MADD: variants seen among roughly 807,000 people sequenced by gnomAD.
The protein encoded by MADD is MAP kinase activating death domain, also known as MAP kinase-activating death domain protein.
In MADD, 109 loss-of-function variants were observed where a neutral mutation model predicts 176.7. The observed-to-expected ratio is 0.62, with a 90% CI of 0.53 to 0.72. The LOEUF (loss-of-function observed/expected upper bound fraction) is 0.72. Ranked by LOEUF, MADD falls within the 30% of genes least tolerant of loss-of-function variation. The pLI is 0.00. For synonymous variants in MADD, 771 were observed against 771.3 expected, an observed-to-expected ratio of 1.00 and a Z score of 0.01; for missense variants, 1,914 against 2,045.5, an observed-to-expected ratio of 0.94 and a Z score of 1.24.
exon 3 of MADD, chr11:47,274,795 C>G (rs548625118): frequency 6.2e-7 from 1 of 1,614,224 alleles, no homozygotes; most frequent in Non-Finnish European, 8.5e-7. Context: ...TAACTTCTAC[C>G]GCTCCTTCCA....
intron 5 of MADD, 21 bp from the exon 6 acceptor site, chr11:47,278,144 C>T (rs777492690): frequency 1.3e-6 from 2 of 1,536,262 alleles, no homozygotes; most frequent in African/African-American, 2.7e-5. Flanking sequence ...TTGTTTCTCA[C>T]CTTCTTTATC....
At chr11:47,284,691 G>A (rs1057208431) in intron 12 of MADD, 126 bp downstream of exon 12, 2 of 1,345,106 alleles carry the variant, frequency 1.5e-6, no homozygotes, top group Non-Finnish European at 2.0e-6. Context: ...CCTCTTCATG[G>A]GCCCTAGAGC....
intron 5 of MADD, 106 bp downstream of exon 5, chr11:47,276,969 A>G: frequency 7.4e-7 from 1 of 1,342,438 alleles, no homozygotes; most frequent in Admixed American, 2.1e-5. Flanking sequence ...ATCCTTTGTC[A>G]TAACTTATTT....
chr11:47,303,125 T>G (rs2079243011), intron 22 of MADD, among the ~76,000 whole-genome samples: 1 of 152,218 alleles, frequency 6.6e-6, no homozygotes, highest in African/African-American at 2.4e-5. Context: ...TTCTTTTTCT[T>G]GCAGCGCTTT....
At chr11:47,286,579 T>C in intron 15 of MADD, 45 bp downstream of exon 15, 1 of 1,451,472 alleles carries the variant, frequency 6.9e-7, no homozygotes, top group Non-Finnish European at 9.7e-7. Context: ...CTCCGGGAGA[T>C]GTTTCGGGCT....
rs767327999 is a variant in MADD, at chr11:47,296,070, T to C, written c.3642+15T>C. 43 of 1,602,684 alleles carry C rather than the reference T, an allele frequency of 2.7e-5. No individual in the cohort carries two copies. Among genetic ancestry groups the C allele is most frequent in the Middle Eastern group, 1.7e-4 (1 of 6,048 alleles). On this transcript the variant is annotated intron_variant, in intron 22 of 32. Transcript: ENST00000402192. ...GCACCATCTTTGTAAGCTTTGTTTA[T>C]TAACAAAAGAAAACCATTTCTTTAA...
In MADD at chr11:47,288,967, G is replaced by A. The variant is rs746186402; in HGVS notation, c.2654-424G>A. ...TACTAATTGTGTATTTTGTGTCCCA[G>A]TATTTGGGCTAAATACTCTAATGGA... On this transcript the variant is annotated intron_variant, in intron 15 of 32. Coordinates refer to ENST00000402192, the Ensembl canonical transcript of MADD. 4 of 1,597,400 alleles carry A rather than the reference G, an allele frequency of 2.5e-6. No individual in the cohort carries two copies. The highest frequency in any genetic ancestry group is 2.6e-6 in the Non-Finnish European group (3 of 1,175,498).
intron 3 of MADD, 130 bp downstream of exon 3, chr11:47,275,289 T>G: frequency 1.2e-6 from 1 of 826,702 alleles, no homozygotes; most frequent in Non-Finnish European, 1.9e-6. Flanking sequence ...TTAGAGTATT[T>G]AGAGTTAATC....
At chr11:47,281,274 C>T (rs1266749546) in intron 7 of MADD, among the ~76,000 whole-genome samples, 2 of 152,206 alleles carry the variant, frequency 1.3e-5, no homozygotes, top group Non-Finnish European at 2.9e-5. Flanking sequence ...AATAATTTTG[C>T]AAACGACTGT....
chr11:47,318,252 A>G (rs2093627001), intron 27 of MADD, among the ~76,000 whole-genome samples: 1 of 152,218 alleles, frequency 6.6e-6, no homozygotes, highest in Admixed American at 6.5e-5. Context: ...TCCTATATAT[A>G]AAGTAGTAAA....
At chr11:47,294,739 T>C (rs1408254311) in intron 20 of MADD, among the ~76,000 whole-genome samples, 1 of 151,198 alleles carries the variant, frequency 6.6e-6, no homozygotes, top group South Asian at 2.1e-4. Context: ...AAGGGAATTA[T>C]TAAATAAGTA....
At chr11:47,282,050 G>A (rs564620064) in intron 8 of MADD, among the ~76,000 whole-genome samples, 1 of 151,980 alleles carries the variant, frequency 6.6e-6, no homozygotes, top group East Asian at 1.9e-4. Flanking sequence ...GGCCAGGCTG[G>A]TCTGGAACTC....
At chr11:47,312,127 G>T (rs977923020) in intron 26 of MADD, among the ~76,000 whole-genome samples, 1 of 152,160 alleles carries the variant, frequency 6.6e-6, no homozygotes, top group South Asian at 2.1e-4. Context: ...TGCACTGATG[G>T]TACCAACGCA....
chr11:47,284,825 C>T, intron 12 of MADD, 116 bp from the exon 13 acceptor site: 1 of 1,437,178 alleles, frequency 7.0e-7, no homozygotes, highest in South Asian at 1.3e-5. Context: ...AGATCATTTC[C>T]CACACATTCC....
intron 18 of MADD, 38 bp from the exon 20 acceptor site, chr11:47,290,572 T>G (rs1362858188): frequency 1.3e-6 from 2 of 1,587,336 alleles, no homozygotes; most frequent in Non-Finnish European, 8.6e-7. Flanking sequence ...TGATTCCTAC[T>G]CACTACTTCT....
intron 27 of MADD, 43 bp from the exon 31 acceptor site, chr11:47,323,628 G>A: frequency 1.2e-6 from 2 of 1,601,760 alleles, no homozygotes; most frequent in Non-Finnish European, 8.5e-7. Flanking sequence ...GGGAGAGGCT[G>A]TCAGAGACAG....
In MADD at chr11:47,295,766, G is replaced by A. The variant is rs1307675294; in HGVS notation, c.3484-131G>A. On this transcript the variant is annotated intron_variant, in intron 21 of 32. Transcript: ENST00000402192. ...CAGAGCTTCTCATCTTATAAAGAAG[G>A]TACTTCCAGAGGCTATCTGACACAC... 3.3e-6 allele frequency: 5 copies of A among 1,521,694 alleles called. No homozygotes were observed. In the African/African-American group the frequency reaches 7.0e-5, roughly 21 times the overall value. 94.3% of individuals were successfully genotyped at this position (1,521,694 alleles called of 1,614,324 possible).
chr11:47,326,846 G>T, intron 31 of MADD, 39 bp downstream of exon 35: 1 of 1,612,910 alleles, frequency 6.2e-7, no homozygotes, highest in Non-Finnish European at 8.5e-7. Flanking sequence ...GGACTCACAT[G>T]GCAGTAACTC....
At chr11:47,295,418 A>G (rs2070428887) in intron 20 of MADD, 78 bp from the exon 23 acceptor site, 2 of 1,206,322 alleles carry the variant, frequency 1.7e-6, no homozygotes, top group Non-Finnish European at 2.5e-6. Context: ...ATGAGGAGAA[A>G]GAAAAAGGTA....
Sources: allele counts gnomAD v4.1 joint callset (sites outside exome capture counted in the v4.1 genomes callset), GRCh38; gene constraint gnomAD v4.1.1; transcripts MANE v1.5; gene names NCBI Gene and HGNC (gene_info 2026-07-23, HGNC 2026-07-21).